Variants in CDKL5 observed in about 807,000 individuals in gnomAD.
The protein encoded by CDKL5 is cyclin dependent kinase like 5, also known as cyclin-dependent kinase-like 5.
CDKL5 carries 8 observed loss-of-function variants against 61.7 expected under a neutral mutation model. That is an observed-to-expected ratio of 0.13 (90% CI 0.08 to 0.23). The LOEUF is 0.23. CDKL5 is among the 10% of genes least tolerant of loss of function. The pLI is 1.00. For synonymous variants in CDKL5, 275 were observed against 272.3 expected (o/e 1.01, Z -0.10); for missense variants, 440 against 734.5 (o/e 0.60, Z 4.63).
rs181038435 is a variant in CDKL5 at position 18,651,990 on chromosome X, G to A, written c.2980+1398G>A. 1.3e-4 allele frequency among the ~76,000 whole-genome samples: 14 copies of A among 108,920 alleles called. No homozygotes were observed. The East Asian group carries it at 2.3e-3, about 18-fold the overall frequency. The allele number at this position is 108,920 out of a possible 115,157, so 94.6% of individuals were successfully genotyped here. A position where few individuals can be genotyped will look rare whatever the true frequency, so the allele number is the denominator to read the frequency against. ...TGCCTCAGCCTTCAGATCTCTGCCC[G>A]CCCTGAGCTGGCTGAGGGGCCCCAG... On this transcript the variant is annotated intron_variant, in intron 21 of 21. Transcript: ENST00000379989.
At chrX:18,429,879 C>T (rs1218014084) in intron 1 of CDKL5, among the ~76,000 whole-genome samples, 1 of 112,259 alleles carries the variant, frequency 8.9e-6, no homozygotes, top group Non-Finnish European at 1.9e-5. Flanking sequence ...GTCAAGCGAT[C>T]CTCCTGCTTT....
At chrX:18,545,699 A>C (rs758583875) in intron 3 of CDKL5, among the ~76,000 whole-genome samples, 74 of 112,599 alleles carry the variant, frequency 6.6e-4, no homozygotes, top group Non-Finnish European at 1.1e-3. Context: ...TAAACACAGA[A>C]TGTGAATATA....
At chrX:18,623,387 A>G (rs1926946528) in intron 16 of CDKL5, among the ~76,000 whole-genome samples, 1 of 111,971 alleles carries the variant, frequency 8.9e-6, no homozygotes, top group African/African-American at 3.2e-5. Context: ...TGATGTTTTC[A>G]GGCTTAAAAG....
downstream of CDKL5, among the ~76,000 whole-genome samples, chrX:18,642,850 G>A (rs1426991457): frequency 9.1e-6 from 1 of 110,191 alleles, no homozygotes; most frequent in Non-Finnish European, 1.9e-5. Context: ...GACCAGCCTG[G>A]CCAACACACA....
chrX:18,629,520 C>T lies in CDKL5; in HGVS notation c.*763C>T. On this transcript the variant is annotated 3_prime_UTR_variant, in exon 18 of 18. Transcript: ENST00000623535. ...TCATTTAAAGAAAGTATCGTTATGA[C>T]ACTATCTGCCATATTTTTATACATT... 1 of 683,473 alleles carries T rather than the reference C, an allele frequency of 1.5e-6. No homozygotes were observed. Among genetic ancestry groups the T allele is most frequent in the Non-Finnish European group, 1.7e-6 (1 of 575,524 alleles). 56.3% of individuals were successfully genotyped at this position (683,473 alleles called of 1,213,427 possible).
intron 1 of CDKL5, among the ~76,000 whole-genome samples, chrX:18,432,325 T>C (rs183530891): frequency 1.6e-3 from 171 of 109,597 alleles, no homozygotes; most frequent in Non-Finnish European, 2.7e-3. Flanking sequence ...CTTGAACCCC[T>C]GACATCAGGT....
At chrX:18,502,472 C>T in intron 1 of CDKL5, among the ~76,000 whole-genome samples, 1 of 111,419 alleles carries the variant, frequency 9.0e-6, no homozygotes, top group Non-Finnish European at 1.9e-5. Flanking sequence ...TGAAGCTAGT[C>T]AAGGGAGAGT....
At chrX:18,575,559 TAAGA>T (rs910951880) in intron 5 of CDKL5, 69 bp downstream of exon 5, 2 of 1,006,452 alleles carry the variant, frequency 2.0e-6, no homozygotes, top group Non-Finnish European at 2.8e-6. Flanking sequence ...TGACATTATT[TAAGA>T]AAGTACTGTT....
chrX:18,618,204 A>G (rs1026129770), intron 15 of CDKL5, among the ~76,000 whole-genome samples: 3 of 111,682 alleles, frequency 2.7e-5, no homozygotes, highest in Non-Finnish European at 5.7e-5. Flanking sequence ...TTTACCCTCA[A>G]CACACCTGTG....
rs1927242502 is a variant in CDKL5, at chrX:18,631,730, T to C, written c.*2973T>C. 1.3e-6 allele frequency: 1 copy of C among 752,862 alleles called. No individual in the cohort carries two copies. Among genetic ancestry groups the C allele is most frequent in the East Asian group, 1.5e-4 (1 of 6,619 alleles). The allele number at this position is 752,862 out of a possible 1,213,427, so 62.0% of individuals were successfully genotyped here. ...CTGCTTCACTGTTTTTCTACCTTTA[T>C]TTCTCTGCCATCCTCGTTTTTCCTC... On this transcript the variant is annotated 3_prime_UTR_variant, in exon 18 of 18. Coordinates refer to ENST00000623535, the MANE Select transcript of CDKL5 (RefSeq NM_001323289.2).
intron 2 of CDKL5, among the ~76,000 whole-genome samples, chrX:18,509,197 G>GCGCACGCACACACACA (rs1555940193): frequency 1.1e-4 from 7 of 64,308 alleles, no homozygotes; most frequent in Non-Finnish European, 2.8e-5. Flanking sequence ...CTCAAAACAC[G>GCGCACGCACACACACA]CACACACACA....
chrX:18,581,541 T>G (rs1468343075), intron 6 of CDKL5, among the ~76,000 whole-genome samples: 1 of 111,927 alleles, frequency 8.9e-6, no homozygotes, highest in African/African-American at 3.2e-5. Context: ...TATATTTCTA[T>G]CTCCAAAAAT....
intron 4 of CDKL5, among the ~76,000 whole-genome samples, chrX:18,569,105 A>T (rs749669059): frequency 1.8e-5 from 2 of 112,102 alleles, no homozygotes; most frequent in South Asian, 7.4e-4. Context: ...TGACTTGGGG[A>T]TATAGACTCC....
chrX:18,531,699 T>G (rs1232729969), intron 3 of CDKL5, among the ~76,000 whole-genome samples: 3 of 110,216 alleles, frequency 2.7e-5, no homozygotes, highest in African/African-American at 1.0e-4. Context: ...TTTCTTTTTT[T>G]CTTTTTTCTT....
At chrX:18,466,124 A>G (rs1025339692) in intron 1 of CDKL5, among the ~76,000 whole-genome samples, 1 of 111,339 alleles carries the variant, frequency 9.0e-6, no homozygotes, top group African/African-American at 3.3e-5. Context: ...CATTCCTAGC[A>G]CTCATTTTTG....
intron 20 of CDKL5, chrX:18,646,190 C>A: frequency 8.7e-7 from 1 of 1,153,212 alleles, no homozygotes; most frequent in South Asian, 1.9e-5. Context: ...CTTGCTCTGT[C>A]GCCCAGGCTG....
intron 3 of CDKL5, among the ~76,000 whole-genome samples, chrX:18,555,597 G>A (rs1924572836): frequency 9.0e-6 from 1 of 110,818 alleles, no homozygotes; most frequent in Admixed American, 9.5e-5. Context: ...AATCTGAAGG[G>A]GATATACATT....
chrX:18,606,874 C>A (rs1019699867), intron 12 of CDKL5, among the ~76,000 whole-genome samples: 8 of 111,939 alleles, frequency 7.1e-5, no homozygotes, highest in Non-Finnish European at 1.3e-4. Flanking sequence ...CGGAGTGGAT[C>A]TTCTACTCCT....
intron 1 of CDKL5, among the ~76,000 whole-genome samples, chrX:18,449,293 T>C (rs1418791292): frequency 8.9e-6 from 1 of 112,497 alleles, no homozygotes; most frequent in African/African-American, 3.2e-5. Context: ...TTTCTTTCGC[T>C]TATTTCACTG....
Sources: allele counts gnomAD v4.1 joint callset (sites outside exome capture counted in the v4.1 genomes callset), GRCh38; gene constraint gnomAD v4.1.1; transcripts MANE v1.5; gene names NCBI Gene and HGNC (gene_info 2026-07-23, HGNC 2026-07-21).